Variants in EXD3 observed in about 807,000 individuals in gnomAD.
The protein encoded by EXD3 is exonuclease 3'-5' domain containing 3, also known as exonuclease mut-7 homolog.
EXD3 carries 92 observed loss-of-function variants against 98.0 expected under a neutral mutation model. That is an observed-to-expected ratio of 0.94 (90% confidence interval 0.79 to 1.12). EXD3 has a LOEUF of 1.12. EXD3 is among the 50% of genes most tolerant of loss of function. The pLI, the probability that EXD3 is intolerant of heterozygous loss-of-function variation, is 0.00. For synonymous variants in EXD3, 569 were observed against 526.0 expected (o/e 1.08, Z -1.12); for missense variants, 1,222 against 1,191.6 (o/e 1.03, Z -0.38).
intron 17 of EXD3, among the ~76,000 whole-genome samples, chr9:137,326,907 G>A (rs1353923789): frequency 1.3e-5 from 2 of 151,756 alleles, no homozygotes; most frequent in African/African-American, 2.4e-5. Context: ...ATCAGTGTTC[G>A]TAGCAGCCAC....
At chr9:137,339,292 T>C (rs2119177302) in intron 17 of EXD3, among the ~76,000 whole-genome samples, 1 of 152,008 alleles carries the variant, frequency 6.6e-6, no homozygotes, top group Middle Eastern at 3.4e-3. Context: ...CCAATGTATT[T>C]ATGAGGCCAG....
At chr9:137,384,390 T>A (rs1836479560) in intron 2 of EXD3, among the ~76,000 whole-genome samples, 1 of 152,186 alleles carries the variant, frequency 6.6e-6, no homozygotes, top group Non-Finnish European at 1.5e-5. Context: ...CGTGGCCCTT[T>A]CGGTAGACAC....
At chr9:137,420,742 C>T in intron 1 of EXD3, among the ~76,000 whole-genome samples, 1 of 147,308 alleles carries the variant, frequency 6.8e-6, no homozygotes, top group East Asian at 2.0e-4. Flanking sequence ...CATTCACCCC[C>T]CCCCCCAAAT....
chr9:137,416,326 T>C (rs975828073), intron 1 of EXD3, among the ~76,000 whole-genome samples: 2 of 152,202 alleles, frequency 1.3e-5, no homozygotes, highest in Admixed American at 1.3e-4. Flanking sequence ...AGGGGCGGAC[T>C]TGGGGCCCTC....
intron 19 of EXD3, among the ~76,000 whole-genome samples, chr9:137,317,388 A>C (rs763635915): frequency 6.6e-6 from 1 of 151,946 alleles, no homozygotes; most frequent in Non-Finnish European, 1.5e-5. Context: ...ATCCAGGCTG[A>C]GTGGAGCCAG....
At chr9:137,415,196 G>GTTT (rs1265025888) in intron 1 of EXD3, among the ~76,000 whole-genome samples, 1 of 145,794 alleles carries the variant, frequency 6.9e-6, no homozygotes, top group African/African-American at 2.6e-5. Flanking sequence ...CCTGTCACAG[G>GTTT]TTTGTTTTTT....
chr9:137,384,119 G>A (rs146113760), intron 2 of EXD3, among the ~76,000 whole-genome samples: 26 of 152,288 alleles, frequency 1.7e-4, no homozygotes, highest in African/African-American at 4.8e-4. Flanking sequence ...GGTGGATTCC[G>A]CAGTGAACTC....
intron 16 of EXD3, 28 bp from the exon 17 acceptor site, chr9:137,348,266 C>T (rs1834040443): frequency 6.2e-7 from 1 of 1,601,476 alleles, no homozygotes. Flanking sequence ...TCAGCAGTCC[C>T]ACGGTCACCC....
In EXD3 at chr9:137,385,630, G is replaced by C. The variant is rs1836551748; in HGVS notation, c.56-2253C>G. Among the ~76,000 whole-genome samples the C allele has an allele frequency of 6.6e-6, 1 of 152,142 alleles. No homozygotes were observed. Among genetic ancestry groups the C allele is most frequent in the African/African-American group, 2.4e-5 (1 of 41,438 alleles). On this transcript the variant is annotated intron_variant, in intron 2 of 21. Transcript: ENST00000340951. The surrounding 1 kb of genome is among the most constrained non-coding windows in gnomAD (Gnocchi z 4.4). Reference sequence around the variant, plus strand: ...GGCTCACTGCAACCTCCACCTCTCAGGTTCGTGATTCTCGTGCCTCAGCCT... The same window carrying C: ...GGCTCACTGCAACCTCCACCTCTCACGTTCGTGATTCTCGTGCCTCAGCCT...
intron 2 of EXD3, among the ~76,000 whole-genome samples, chr9:137,387,841 G>A (rs2131737027): frequency 6.6e-6 from 1 of 152,312 alleles, no homozygotes; most frequent in Non-Finnish European, 1.5e-5. Flanking sequence ...TTTGGCCGGA[G>A]CTCCGTGGGT....
rs529144945 is a variant in EXD3, at chr9:137,403,568, G to A, written c.-47-8164C>T. 3.6e-5 allele frequency among the ~76,000 whole-genome samples: 5 copies of A among 137,644 alleles called. No homozygotes were observed. Among genetic ancestry groups the A allele is most frequent in the South Asian group, 2.3e-4 (1 of 4,332 alleles). The allele number at this position is 137,644 out of a possible 152,430, so 90.3% of individuals were successfully genotyped here. Reference sequence around the variant, plus strand: ...CCAGGAAACCTGGGCCTCCATTCCCGAGCCCCCCAGTTTTCGCCTCTCTCC... The same window carrying A: ...CCAGGAAACCTGGGCCTCCATTCCCAAGCCCCCCAGTTTTCGCCTCTCTCC... On this transcript the variant is annotated intron_variant, in intron 1 of 21. Transcript: ENST00000340951. The surrounding 1 kb of genome is among the most constrained non-coding windows in gnomAD (Gnocchi z 6.1).
At position 137,393,338 on chromosome 9, in the gene EXD3, C is replaced by T. The variant is rs1227888002; in HGVS notation, c.55+1965G>A. On this transcript the variant is annotated intron_variant, in intron 2 of 21. Transcript: ENST00000340951. The surrounding 1 kb of genome is among the most constrained non-coding windows in gnomAD (Gnocchi z 4.6). ...GGGGAGGTAACAGGGCCTCATCCCA[C>T]ACAGGTGCAGGCCCGGGGCCCGCAG... 2.9e-6 allele frequency: 2 copies of T among 683,662 alleles called. No individual in the cohort carries two copies. The highest frequency in any genetic ancestry group is 5.4e-5 in the East Asian group (2 of 36,940). 42.3% of individuals were successfully genotyped at this position (683,662 alleles called of 1,614,324 possible).
Position 137,373,533 on chromosome 9 carries a change from G to C in EXD3, c.187C>G (p.Leu63Val), listed in dbSNP as rs1442017780. 5 of 1,604,164 alleles carry C rather than the reference G, an allele frequency of 3.1e-6. No homozygotes were observed. The highest frequency in any genetic ancestry group is 1.7e-5 in the Admixed American group (1 of 58,602). ...CCCCGCTGGCCCCGGCAGCTCTCCAGCATGTCCAGAAGCCCGGCCAGGGGG... is the reference window on the plus strand; with the variant it reads ...CCCCGCTGGCCCCGGCAGCTCTCCACCATGTCCAGAAGCCCGGCCAGGGGG... ...DDPLAGLLDM[L>V]ESCRGQRGEG... Residue 63 changes from leucine (L) to valine (V), a missense_variant, in exon 4 of 22, where the codon CTG becomes GTG. By Grantham distance (32) the Leu-to-Val change is conservative. Coordinates refer to ENST00000340951, the MANE Select transcript of EXD3 (RefSeq NM_017820.5).
intron 17 of EXD3, chr9:137,343,565 A>T (rs549130911): frequency 2.5e-5 from 3 of 117,744 alleles, no homozygotes; most frequent in South Asian, 6.0e-4. Context: ...CTCACCATGG[A>T]CTACTGTATC....
chr9:137,355,499 A>AGGAGGAAGGAGGAAGGAGGAAGGAGAAAG (rs1834630670), intron 8 of EXD3, among the ~76,000 whole-genome samples: 11 of 27,758 alleles, frequency 4.0e-4, no homozygotes, highest in Non-Finnish European at 8.4e-4. Context: ...GGATGGAGGA[A>AGGAGGAAGGAGGAAGGAGGAAGGAGAAAG]GGAGGAAGGA....
chr9:137,328,608 GGGGCTACACGGGA>G lies in EXD3; in HGVS notation c.1999-4478_1999-4466del, dbSNP rs1564477358. Reference sequence around the variant, plus strand: ...TACACGGGACTACACGGGACTACACGGGGCTACACGGGACTACACGGGACTACACGGGGCTACA... The same window carrying G: ...TACACGGGACTACACGGGACTACACGCTACACGGGACTACACGGGGCTACA... On this transcript the variant is annotated intron_variant, in intron 17 of 21. Transcript: ENST00000340951. Among the ~76,000 whole-genome samples the G allele has an allele frequency of 1.0e-3, 91 of 89,388 alleles. 3 individuals are homozygous for G. The highest frequency in any genetic ancestry group is 5.0e-3 in the African/African-American group (71 of 14,250). 58.6% of individuals were successfully genotyped at this position (89,388 alleles called of 152,430 possible).
chr9:137,326,262 G>A (rs977397092), intron 17 of EXD3, among the ~76,000 whole-genome samples: 1 of 152,156 alleles, frequency 6.6e-6, no homozygotes, highest in African/African-American at 2.4e-5. Flanking sequence ...AACACCTCAG[G>A]GTGGAGACGT....
chr9:137,309,149 T>A (rs1564458553), intron 20 of EXD3, among the ~76,000 whole-genome samples: 1 of 152,178 alleles, frequency 6.6e-6, no homozygotes, highest in Admixed American at 6.5e-5. Flanking sequence ...TTGGGCGGCC[T>A]GCACCCTCCA....
chr9:137,414,458 T>TG (rs1838145756), intron 1 of EXD3, among the ~76,000 whole-genome samples: 1 of 152,108 alleles, frequency 6.6e-6, no homozygotes, highest in African/African-American at 2.4e-5. Context: ...TTCACTGATC[T>TG]GGGGACACAC....
Sources: allele counts gnomAD v4.1 joint callset (sites outside exome capture counted in the v4.1 genomes callset), GRCh38; gene constraint gnomAD v4.1.1; non-coding constraint Gnocchi (gnomAD v3.1); transcripts MANE v1.5; gene names NCBI Gene and HGNC (gene_info 2026-07-23, HGNC 2026-07-21).